Variants in SPRED1 observed in about 807,000 individuals in gnomAD.
The protein encoded by SPRED1 is sprouty-related, EVH1 domain-containing protein 1.
SPRED1 carries 18 observed loss-of-function variants against 52.3 expected under a neutral mutation model. That is an observed-to-expected ratio of 0.34 (90% CI 0.24 to 0.51). The LOEUF is 0.51. SPRED1 is among the 20% of genes least tolerant of loss of function. The pLI, the probability that SPRED1 is intolerant of heterozygous loss-of-function variation, is 0.97. For missense variants in SPRED1, 485 were observed against 551.0 expected (o/e 0.88, Z 1.20); for synonymous variants, 155 against 179.7 (o/e 0.86, Z 1.10).
chr15:38,316,762 T>TGG (rs1895494346), intron 2 of SPRED1, among the ~76,000 whole-genome samples: 1 of 146,398 alleles, frequency 6.8e-6, no homozygotes, highest in Non-Finnish European at 1.5e-5. Flanking sequence ...TTTTTTTTTT[T>TGG]TTTTTTTTTT....
Position 38,299,374 on chromosome 15 carries a change from A to G in SPRED1, c.34A>G (p.Asn12Asp). 1.9e-6 allele frequency: 3 copies of G among 1,613,796 alleles called. No homozygotes were observed. Among genetic ancestry groups the G allele is most frequent in the Non-Finnish European group, 2.5e-6 (3 of 1,179,820 alleles). ...TCCTGATCTTTGCATCTATTTTAGT[A>G]ATAGTTATGCACGAGTGCGAGCTGT... ...SEETATSDND[N>D]SYARVRAVVM... is the part of the protein sequence containing the mutation. Residue 12 changes from asparagine to aspartate, a missense_variant and splice_region_variant, in exon 2 of 7, where the codon AAT (asparagine) becomes GAT (aspartate). Coordinates refer to ENST00000299084, the MANE Select transcript of SPRED1 (RefSeq NM_152594.3).
At chr15:38,333,238 A>C (rs569472701) in intron 4 of SPRED1, among the ~76,000 whole-genome samples, 1 of 152,348 alleles carries the variant, frequency 6.6e-6, no homozygotes, top group Admixed American at 6.5e-5. Context: ...GAATCAACAA[A>C]GACTTTTTGA....
At chr15:38,309,181 G>A (rs750487777) in intron 2 of SPRED1, among the ~76,000 whole-genome samples, 6 of 152,002 alleles carry the variant, frequency 3.9e-5, no homozygotes, top group East Asian at 1.9e-4. Flanking sequence ...TGTAGATAGC[G>A]TCTTCTTCTA....
Position 38,337,284 on chromosome 15 carries a change from C to CT in SPRED1, c.424-2447dup, listed in dbSNP as rs543697705. Among the ~76,000 whole-genome samples the CT allele has an allele frequency of 5.7e-4, 86 of 152,196 alleles. 2 individuals carry two copies. In the South Asian group the frequency reaches 0.013, roughly 23 times the overall value. On this transcript the variant is annotated intron_variant, in intron 4 of 6. Transcript: ENST00000299084. ...GAGTTAATTAGGTAGTAGGAAGATACTTTTTTCTAGTTTAGGATTCTCTAT... is the reference window on the plus strand; with the variant it reads ...GAGTTAATTAGGTAGTAGGAAGATACTTTTTTTCTAGTTTAGGATTCTCTAT...
chr15:38,259,243 GT>G (rs1204761684), intron 1 of SPRED1, among the ~76,000 whole-genome samples: 1 of 152,064 alleles, frequency 6.6e-6, no homozygotes, highest in Non-Finnish European at 1.5e-5. Context: ...ACTCAATTTT[GT>G]TTTTTATGTA....
At chr15:38,313,586 A>G (rs1895412073) in intron 2 of SPRED1, among the ~76,000 whole-genome samples, 1 of 151,612 alleles carries the variant, frequency 6.6e-6, no homozygotes, top group African/African-American at 2.4e-5. Flanking sequence ...TTCATTGACT[A>G]AAACAGGAAT....
chr15:38,316,410 T>C (rs578138844), intron 2 of SPRED1, among the ~76,000 whole-genome samples: 3 of 152,172 alleles, frequency 2.0e-5, no homozygotes, highest in Non-Finnish European at 2.9e-5. Flanking sequence ...TGAAAGACTT[T>C]AAGATCTTCT....
chr15:38,339,639 T>C lies in SPRED1; in HGVS notation c.424-98T>C, dbSNP rs7163339. Reference sequence around the variant, plus strand: ...TAGCGATGGTAGCGATATATACTTATTGACTTGCTAAATACTTTTTAGAGT... The same window carrying C: ...TAGCGATGGTAGCGATATATACTTACTGACTTGCTAAATACTTTTTAGAGT... On this transcript the variant is annotated intron_variant, in intron 4 of 6. Coordinates refer to ENST00000299084, the MANE Select transcript of SPRED1 (RefSeq NM_152594.3). 0.87 allele frequency: 1,113,512 copies of C among 1,275,682 alleles called. 488,506 individuals carry two copies. Among genetic ancestry groups the C allele is most frequent in the Non-Finnish European group, 0.89 (782,271 of 877,494 alleles). The allele number at this position is 1,275,682 out of a possible 1,614,324, so 79.0% of individuals were successfully genotyped here.
At chr15:38,285,646 T>G (rs1024526978) in intron 1 of SPRED1, among the ~76,000 whole-genome samples, 1 of 152,164 alleles carries the variant, frequency 6.6e-6, no homozygotes, top group African/African-American at 2.4e-5. Context: ...CCAATTTTTG[T>G]AGGGTCTTTA....
At chr15:38,337,726 CTTTAT>C (rs1351717206) in intron 4 of SPRED1, among the ~76,000 whole-genome samples, 2 of 151,906 alleles carry the variant, frequency 1.3e-5, no homozygotes, top group Non-Finnish European at 2.9e-5. Context: ...TTAAAGTCAG[CTTTAT>C]TTTAATTTAT....
chr15:38,321,654 C>T (rs1334548848), intron 2 of SPRED1, among the ~76,000 whole-genome samples: 2 of 152,092 alleles, frequency 1.3e-5, no homozygotes, highest in African/African-American at 4.8e-5. Flanking sequence ...AGTGCAGTGA[C>T]GTGATCTCAA....
In SPRED1 at chr15:38,353,785, A is replaced by G. The variant is rs1220313178; in HGVS notation, c.*2121A>G. ...GAAGAAAATAACTTGCTGGCTATAT[A>G]GGAAAATGCTGTGGAAATGAACTGT... On this transcript the variant is annotated 3_prime_UTR_variant, in exon 7 of 7. Coordinates refer to ENST00000299084, the MANE Select transcript of SPRED1 (RefSeq NM_152594.3). The G allele has an allele frequency of 6.6e-6, 1 of 152,610 alleles. No homozygotes were observed. Among genetic ancestry groups the G allele is most frequent in the African/African-American group, 2.4e-5 (1 of 41,470 alleles). The allele number at this position is 152,610 out of a possible 1,614,324, so 9.5% of individuals were successfully genotyped here.
chr15:38,317,457 A>G (rs576872465), intron 2 of SPRED1, among the ~76,000 whole-genome samples: 1 of 152,030 alleles, frequency 6.6e-6, no homozygotes, highest in African/African-American at 2.4e-5. Context: ...GTTGTTTTTA[A>G]TCTCTTGTCA....
chr15:38,345,643 A>G (rs1297672626), intron 5 of SPRED1, among the ~76,000 whole-genome samples: 1 of 152,118 alleles, frequency 6.6e-6, no homozygotes, highest in Non-Finnish European at 1.5e-5. Context: ...TCCAAATCCC[A>G]TGGGAATGAT....
chr15:38,278,828 G>T lies in SPRED1; in HGVS notation c.33-20545G>T, dbSNP rs1261957788. Among the ~76,000 whole-genome samples, 557 of 118,220 alleles carry T rather than the reference G, an allele frequency of 4.7e-3. 12 individuals carry two copies. Among genetic ancestry groups the T allele is most frequent in the African/African-American group, 0.016 (513 of 32,480 alleles). The allele number at this position is 118,220 out of a possible 152,430, so 77.6% of individuals were successfully genotyped here. A position where few individuals can be genotyped will look rare whatever the true frequency, so the allele number is the denominator to read the frequency against. ...ACAACCATTATAACCTAACTACACT[G>T]TTTTTTTTTTTTTTTGTGAAATGAA... On this transcript the variant is annotated intron_variant, in intron 1 of 6. Coordinates refer to ENST00000299084, the MANE Select transcript of SPRED1 (RefSeq NM_152594.3).
At chr15:38,275,208 A>G (rs772846565) in intron 1 of SPRED1, among the ~76,000 whole-genome samples, 3 of 152,206 alleles carry the variant, frequency 2.0e-5, no homozygotes, top group Non-Finnish European at 2.9e-5. Flanking sequence ...ATTAGTATCA[A>G]TTATAATCCA....
intron 1 of SPRED1, among the ~76,000 whole-genome samples, chr15:38,288,221 A>C (rs964258542): frequency 6.6e-6 from 1 of 152,160 alleles, no homozygotes; most frequent in Admixed American, 6.6e-5. Context: ...CAGAAGAGGA[A>C]GGTAGAGGAA....
intron 2 of SPRED1, among the ~76,000 whole-genome samples, chr15:38,309,148 T>C (rs920044929): frequency 2.0e-5 from 3 of 152,190 alleles, no homozygotes; most frequent in Non-Finnish European, 2.9e-5. Context: ...CATTTTCTTA[T>C]TGGATTGTTT....
intron 4 of SPRED1, among the ~76,000 whole-genome samples, chr15:38,328,921 G>T (rs550474356): frequency 1.3e-5 from 2 of 152,190 alleles, no homozygotes; most frequent in Admixed American, 1.3e-4. Flanking sequence ...TTGCCACGTT[G>T]CCCAGGCTGG....
Sources: gnomAD v4.1 joint callset for allele counts (sites outside exome capture counted in the v4.1 genomes callset) on GRCh38, gnomAD v4.1.1 for gene constraint, MANE v1.5 for transcripts, NCBI Gene and HGNC (gene_info 2026-07-23, HGNC 2026-07-21) for gene names.